The following ADGRV1 variants were observed in gnomAD, a reference collection of about 807,000 sequenced individuals.
ADGRV1 encodes the protein adhesion G protein-coupled receptor V1, also known as G-protein coupled receptor 98.
ADGRV1 carries 359 observed loss-of-function variants against 596.2 expected under a neutral mutation model. The observed-to-expected ratio is 0.60, with a 90% CI of 0.55 to 0.66. The LOEUF is 0.66. ADGRV1 is among the 30% of genes least tolerant of loss of function. The pLI, the probability that ADGRV1 is intolerant of heterozygous loss-of-function variation, is 0.00. For synonymous variants in ADGRV1, 2,681 were observed against 2,679.2 expected (o/e 1.00, Z -0.02); for missense variants, 7,274 against 7,575.6 (o/e 0.96, Z 1.48).
intron 59 of ADGRV1, among the ~76,000 whole-genome samples, chr5:90,767,366 A>G (rs2460166): frequency 0.17 from 26,265 of 152,160 alleles, 5,191 homozygotes; most frequent in African/African-American, 0.49. Flanking sequence ...AATGCAATTA[A>G]TTAAAAAACA....
intron 70 of ADGRV1, among the ~76,000 whole-genome samples, chr5:90,797,525 A>G (rs891845148): frequency 2.6e-5 from 4 of 152,062 alleles, no homozygotes; most frequent in Non-Finnish European, 5.9e-5. Flanking sequence ...CACAATAATA[A>G]TGAGAGACTT....
intron 83 of ADGRV1, among the ~76,000 whole-genome samples, chr5:90,911,320 A>G (rs1772869702): frequency 6.6e-6 from 1 of 152,200 alleles, no homozygotes; most frequent in Non-Finnish European, 1.5e-5. Context: ...ACAATGAGCC[A>G]TCTAGCTTTT....
chr5:90,678,240 C>G (rs1482222536), intron 25 of ADGRV1, among the ~76,000 whole-genome samples: 2 of 152,042 alleles, frequency 1.3e-5, no homozygotes, highest in African/African-American at 2.4e-5. Context: ...GCATGTCAAT[C>G]AAGGATATTG....
chr5:90,628,710 A>T lies in ADGRV1; in HGVS notation c.1387A>T (p.Met463Leu). The T allele has an allele frequency of 1.2e-6, 2 of 1,614,032 alleles. No individual in the cohort carries two copies. The highest frequency in any genetic ancestry group is 1.1e-5 in the South Asian group (1 of 91,080). ...SGVLHFAQGQMLATIPLTVVD... is the reference protein window; with the variant it reads ...SGVLHFAQGQLLATIPLTVVD... The stretch of plus-strand genomic sequence containing the variant: ...AGTTCTCCATTTTGCACAAGGGCAG[A>T]TGTTGGCAACAATTCCTCTTACTGT... Residue 463 changes from methionine (M) to leucine (L), a missense_variant, in exon 8 of 90, where the codon ATG becomes TTG. By Grantham distance (15) the Met-to-Leu change is conservative (BLOSUM62 2). Coordinates refer to ENST00000405460, the MANE Select transcript of ADGRV1 (RefSeq NM_032119.4).
chr5:90,797,069 G>A (rs933042633), intron 70 of ADGRV1, among the ~76,000 whole-genome samples: 5 of 151,082 alleles, frequency 3.3e-5, no homozygotes, highest in Admixed American at 6.6e-5. Flanking sequence ...CCAACTAATG[G>A]GCAAAATAAC....
intron 26 of ADGRV1, 48 bp from the exon 27 acceptor site, chr5:90,681,267 T>A: frequency 1.3e-6 from 2 of 1,595,094 alleles, no homozygotes; most frequent in Non-Finnish European, 1.7e-6. Flanking sequence ...ATTTGTAAAT[T>A]ACTGATCATC....
intron 72 of ADGRV1, among the ~76,000 whole-genome samples, chr5:90,807,193 C>T (rs1245336367): frequency 5.3e-5 from 8 of 152,118 alleles, no homozygotes; most frequent in Non-Finnish European, 2.9e-5. Flanking sequence ...ATATTTGTGA[C>T]ATTTTTTCTG....
intron 83 of ADGRV1, among the ~76,000 whole-genome samples, chr5:90,958,529 G>A (rs924927888): frequency 7.3e-6 from 1 of 136,614 alleles, no homozygotes; most frequent in Admixed American, 7.0e-5. Context: ...AACACAGACT[G>A]GATGGCTTTA....
chr5:90,644,455 A>G (rs138219055), intron 14 of ADGRV1, among the ~76,000 whole-genome samples: 208 of 152,268 alleles, frequency 1.4e-3, no homozygotes, highest in African/African-American at 4.6e-3. Context: ...TCTGTTTCCC[A>G]TGCCAACTGA....
chr5:90,959,814 T>TA (rs1777812737), intron 83 of ADGRV1, among the ~76,000 whole-genome samples: 1 of 152,138 alleles, frequency 6.6e-6, no homozygotes, highest in Non-Finnish European at 1.5e-5. Flanking sequence ...TATATTTATA[T>TA]AAAATTTAAT....
chr5:90,642,084 C>T (rs965494311), intron 11 of ADGRV1, among the ~76,000 whole-genome samples: 1 of 152,110 alleles, frequency 6.6e-6, no homozygotes, highest in African/African-American at 2.4e-5. Context: ...TTTGAAACCA[C>T]AACATATTCC....
chr5:90,959,314 C>T (rs929809068), intron 83 of ADGRV1, among the ~76,000 whole-genome samples: 1 of 151,078 alleles, frequency 6.6e-6, no homozygotes, highest in African/African-American at 2.4e-5. Context: ...TATATGTGGA[C>T]AACTACAAAA....
intron 66 of ADGRV1, among the ~76,000 whole-genome samples, 176 bp downstream of exon 66, chr5:90,783,501 G>A (rs1332746091): frequency 1.3e-5 from 2 of 151,382 alleles, no homozygotes; most frequent in Admixed American, 1.3e-4. Flanking sequence ...AGACGATGTG[G>A]TTGCATATGT....
intron 84 of ADGRV1, among the ~76,000 whole-genome samples, chr5:90,980,808 C>T (rs75538711): frequency 0.11 from 17,066 of 152,028 alleles, 1,241 homozygotes; most frequent in Non-Finnish European, 0.17. Context: ...AATTATTGTG[C>T]AAATATAATG....
intron 74 of ADGRV1, among the ~76,000 whole-genome samples, chr5:90,814,589 A>C (rs929686586): frequency 6.6e-6 from 1 of 152,012 alleles, no homozygotes; most frequent in Non-Finnish European, 1.5e-5. Flanking sequence ...AGTTCTCGTG[A>C]GATCTGATGG....
rs1220288641 is a variant in ADGRV1, at chr5:90,750,703, T to C, written c.11121+6T>C. Reference sequence around the variant, plus strand: ...TATTTCCTACCTCAGGAGTGGTATGTAATTTACAAAGTTATAGGAAACACT... The same window carrying C: ...TATTTCCTACCTCAGGAGTGGTATGCAATTTACAAAGTTATAGGAAACACT... On this transcript the variant is annotated splice_donor_region_variant and intron_variant, in intron 53 of 89. Transcript: ENST00000405460. The C allele has an allele frequency of 1.9e-6, 3 of 1,608,160 alleles. No individual in the cohort carries two copies. The highest frequency in any genetic ancestry group is 2.6e-6 in the Non-Finnish European group (3 of 1,175,358).
chr5:90,819,156 G>T (rs1763219995), intron 75 of ADGRV1, among the ~76,000 whole-genome samples: 1 of 152,184 alleles, frequency 6.6e-6, no homozygotes. Context: ...GAGTGTATGT[G>T]TCAAGGAATT....
chr5:90,647,615 C>A lies in ADGRV1; in HGVS notation c.3140C>A (p.Ala1047Glu). ...GCTACCAAGGATGGGAAGGCTACTGCAAGAGAGAGAGATTTCATTCCTGTT... is the reference window on the plus strand; with the variant it reads ...GCTACCAAGGATGGGAAGGCTACTGAAAGAGAGAGAGATTTCATTCCTGTT... Reference protein sequence around the residue: ...QYATKDGKATARERDFIPVEK... With the variant: ...QYATKDGKATERERDFIPVEK... Residue 1047 changes from alanine to glutamate, a missense_variant, in exon 17 of 90, where the codon GCA becomes GAA. This residue lies in a region of ADGRV1 where 1,715 missense variants were observed against 1,708.8 expected (regional missense o/e 1.00). Coordinates refer to ENST00000405460, the MANE Select transcript of ADGRV1 (RefSeq NM_032119.4). The A allele has an allele frequency of 1.2e-6, 2 of 1,613,078 alleles. No individual in the cohort carries two copies. The highest frequency in any genetic ancestry group is 1.1e-5 in the South Asian group (1 of 91,020).
intron 1 of ADGRV1, among the ~76,000 whole-genome samples, chr5:90,606,350 C>A (rs1370963685): frequency 6.6e-6 from 1 of 152,020 alleles, no homozygotes; most frequent in Non-Finnish European, 1.5e-5. Flanking sequence ...CTTGTTTTTT[C>A]ATTAAATAAG....
Sources: gnomAD v4.1 joint callset for allele counts (sites outside exome capture counted in the v4.1 genomes callset) on GRCh38, gnomAD v4.1.1 for gene constraint, gnomAD v4.1.1 regional missense constraint, MANE v1.5 for transcripts, NCBI Gene and HGNC (gene_info 2026-07-23, HGNC 2026-07-21) for gene names.